CLDN10: variants seen among roughly 807,000 people sequenced by gnomAD.
CLDN10 encodes the protein claudin 10, also known as claudin-10.
A neutral mutation model predicts 22.9 loss-of-function variants in CLDN10; 15 were observed. That is an observed-to-expected ratio of 0.65 (90% CI 0.44 to 1.01). The LOEUF (loss-of-function observed/expected upper bound fraction) is 1.01. Ranked by LOEUF, CLDN10 falls within the 50% of genes least tolerant of loss-of-function variation. The pLI is 0.00. For missense variants in CLDN10, 247 were observed against 287.8 expected, an observed-to-expected ratio of 0.86 and a Z score of 1.03; for synonymous variants, 114 against 111.4, an observed-to-expected ratio of 1.02 and a Z score of -0.15.
At chr13:95,462,304 C>T (rs1242775296) in intron 1 of CLDN10, among the ~76,000 whole-genome samples, 1 of 152,154 alleles carries the variant, frequency 6.6e-6, no homozygotes, top group Non-Finnish European at 1.5e-5. Flanking sequence ...CCTTTCAATA[C>T]TACATTGCTA....
chr13:95,534,733 A>G (rs2043381992), intron 1 of CLDN10, among the ~76,000 whole-genome samples: 2 of 152,078 alleles, frequency 1.3e-5, no homozygotes, highest in Non-Finnish European at 2.9e-5. Flanking sequence ...TTAAATTATA[A>G]CTCTGCCTCT....
At chr13:95,546,914 G>A (rs2043515301) in intron 1 of CLDN10, among the ~76,000 whole-genome samples, 1 of 151,914 alleles carries the variant, frequency 6.6e-6, no homozygotes, top group East Asian at 1.9e-4. Flanking sequence ...TGCAGTTTCT[G>A]TTCCCCTTAC....
chr13:95,550,153 C>A (rs1003690826), upstream of CLDN10, among the ~76,000 whole-genome samples: 8 of 152,146 alleles, frequency 5.3e-5, no homozygotes, highest in Admixed American at 2.0e-4. Context: ...GTGTTCCAAG[C>A]AGGAATTCAG....
At chr13:95,510,791 T>C (rs2043088009) in intron 1 of CLDN10, among the ~76,000 whole-genome samples, 1 of 152,118 alleles carries the variant, frequency 6.6e-6, no homozygotes, top group Admixed American at 6.6e-5. Flanking sequence ...ATAAATTATA[T>C]TGCTAGGAAA....
chr13:95,564,617 ATCT>A (rs1486162021), intron 3 of CLDN10, among the ~76,000 whole-genome samples: 3 of 152,132 alleles, frequency 2.0e-5, no homozygotes, highest in Non-Finnish European at 4.4e-5. Context: ...TGTTAATTGG[ATCT>A]TCTTTGTAGA....
intron 3 of CLDN10, among the ~76,000 whole-genome samples, chr13:95,568,937 T>G (rs2043820293): frequency 6.6e-6 from 1 of 152,096 alleles, no homozygotes; most frequent in Non-Finnish European, 1.5e-5. Context: ...ACTTTCTAGC[T>G]GTGTAACTTT....
intron 1 of CLDN10, among the ~76,000 whole-genome samples, chr13:95,506,019 C>T (rs1459291579): frequency 5.3e-5 from 8 of 152,114 alleles, no homozygotes; most frequent in African/African-American, 4.8e-5. Context: ...GGATTACAGG[C>T]GTGAGCCATT....
At chr13:95,496,831 A>G (rs927788) in intron 1 of CLDN10, among the ~76,000 whole-genome samples, 51,953 of 152,122 alleles carry the variant, frequency 0.34, 9,974 homozygotes, top group East Asian at 0.42. Context: ...GGGGGACCCA[A>G]GCCTCCAGTA....
chr13:95,570,600 T>G (rs1207795851), intron 3 of CLDN10, among the ~76,000 whole-genome samples: 2 of 151,976 alleles, frequency 1.3e-5, no homozygotes, highest in Admixed American at 6.6e-5. Flanking sequence ...GTTTTGGAGT[T>G]TGACTCAGCT....
At chr13:95,477,802 C>T (rs2139110697) in intron 1 of CLDN10, among the ~76,000 whole-genome samples, 1 of 152,282 alleles carries the variant, frequency 6.6e-6, no homozygotes, top group African/African-American at 2.4e-5. Flanking sequence ...CCATATGTAT[C>T]TTAAGCCATG....
intron 1 of CLDN10, among the ~76,000 whole-genome samples, chr13:95,448,654 T>G (rs1281557316): frequency 1.3e-5 from 2 of 152,212 alleles, no homozygotes; most frequent in African/African-American, 4.8e-5. Flanking sequence ...ATGCCTCTCA[T>G]AGGCCTATGG....
At chr13:95,516,951 C>T (rs2043173273) in intron 1 of CLDN10, among the ~76,000 whole-genome samples, 1 of 151,686 alleles carries the variant, frequency 6.6e-6, no homozygotes, top group Non-Finnish European at 1.5e-5. Context: ...AAGCCATTCT[C>T]TAAGTTAATA....
At chr13:95,458,205 A>G (rs901578521) in intron 1 of CLDN10, among the ~76,000 whole-genome samples, 2 of 152,174 alleles carry the variant, frequency 1.3e-5, no homozygotes, top group Admixed American at 1.3e-4. Flanking sequence ...CATGTCTATG[A>G]CATCCCATTG....
intron 1 of CLDN10, among the ~76,000 whole-genome samples, chr13:95,441,380 G>A (rs921449604): frequency 7.9e-5 from 12 of 152,106 alleles, no homozygotes; most frequent in Non-Finnish European, 1.5e-5. Context: ...GAGTAGCTGG[G>A]ACTACAGGTG....
At chr13:95,501,323 T>G (rs1036514231) in intron 1 of CLDN10, among the ~76,000 whole-genome samples, 1 of 152,136 alleles carries the variant, frequency 6.6e-6, no homozygotes, top group Non-Finnish European at 1.5e-5. Flanking sequence ...CCATTTTTTT[T>G]GTTTTTAGAG....
At chr13:95,571,438 C>G (rs1304830950) in intron 3 of CLDN10, among the ~76,000 whole-genome samples, 1 of 152,170 alleles carries the variant, frequency 6.6e-6, no homozygotes, top group Non-Finnish European at 1.5e-5. Flanking sequence ...TTGGGAGGCA[C>G]CTGTCACTAT....
intron 1 of CLDN10, among the ~76,000 whole-genome samples, chr13:95,504,223 A>C (rs927215845): frequency 6.6e-6 from 1 of 152,208 alleles, no homozygotes; most frequent in African/African-American, 2.4e-5. Flanking sequence ...ACAGAAGACT[A>C]TATATGGGCA....
intron 1 of CLDN10, among the ~76,000 whole-genome samples, chr13:95,535,332 T>A (rs2043388961): frequency 6.6e-6 from 1 of 151,972 alleles, no homozygotes; most frequent in Admixed American, 6.6e-5. Context: ...CCAGTCAGGC[T>A]AGTGGATGGA....
intron 1 of CLDN10, among the ~76,000 whole-genome samples, chr13:95,471,505 G>A (rs1329532066): frequency 6.8e-6 from 1 of 147,598 alleles, no homozygotes; most frequent in African/African-American, 2.5e-5. Context: ...CAGGCTGGAG[G>A]GCAGTGGTGT....
Sources: gnomAD v4.1 joint callset for allele counts (sites outside exome capture counted in the v4.1 genomes callset) on GRCh38, gnomAD v4.1.1 for gene constraint, MANE v1.5 for transcripts, NCBI Gene and HGNC (gene_info 2026-07-23, HGNC 2026-07-21) for gene names.